The following DARS2 variants were observed in gnomAD, a reference collection of about 807,000 sequenced individuals.
DARS2 encodes aspartyl-tRNA synthetase 2, mitochondrial, also known as aspartate--tRNA ligase, mitochondrial.
In DARS2, 63 loss-of-function variants were observed where a neutral mutation model predicts 83.0. The observed-to-expected ratio is 0.76, with a 90% CI of 0.62 to 0.94. The LOEUF (loss-of-function observed/expected upper bound fraction) is 0.94, where lower values mean the gene tolerates loss of function less well. Among genes scored for constraint, DARS2 ranks in the 40% least tolerant of loss-of-function variants. DARS2 has a pLI of 0.00. For missense variants in DARS2, 675 were observed against 774.4 expected (o/e 0.87, Z 1.52); for synonymous variants, 250 against 269.3 (o/e 0.93, Z 0.70).
intron 7 of DARS2, among the ~76,000 whole-genome samples, chr1:173,835,122 T>TTTTTTG (rs1309249132): frequency 6.6e-6 from 1 of 150,958 alleles, no homozygotes; most frequent in Admixed American, 6.6e-5. Context: ...TAAATTGGTA[T>TTTTTTG]TTTTTGTTTT....
chr1:173,856,543 G>T, intron 15 of DARS2, 123 bp from the exon 16 acceptor site: 5 of 797,318 alleles, frequency 6.3e-6, no homozygotes, highest in South Asian at 1.6e-5. Flanking sequence ...TTTTATTATT[G>T]GTTAAGTCAG....
intron 12 of DARS2, among the ~76,000 whole-genome samples, 186 bp from the exon 13 acceptor site, chr1:173,850,141 C>T (rs1428441806): frequency 2.0e-5 from 3 of 151,746 alleles, no homozygotes; most frequent in African/African-American, 7.3e-5. Context: ...TATAAGCCAC[C>T]GTGCCAAGCC....
intron 2 of DARS2, among the ~76,000 whole-genome samples, chr1:173,827,691 G>A (rs1302016032): frequency 6.6e-6 from 1 of 152,122 alleles, no homozygotes; most frequent in African/African-American, 2.4e-5. Context: ...TTTAGTGACT[G>A]TTTCCTGAAC....
intron 1 of DARS2, among the ~76,000 whole-genome samples, chr1:173,825,842 G>GT (rs937304005): frequency 2.7e-5 from 4 of 150,902 alleles, no homozygotes; most frequent in South Asian, 2.1e-4. Flanking sequence ...TTATACGGCA[G>GT]TTTTTTTTCC....
chr1:173,828,998 G>A (rs901526994), intron 3 of DARS2, among the ~76,000 whole-genome samples: 3 of 151,818 alleles, frequency 2.0e-5, no homozygotes, highest in African/African-American at 4.8e-5. Flanking sequence ...AAAAAATAAT[G>A]TATATTCTTA....
intron 13 of DARS2, 91 bp from the exon 14 acceptor site, chr1:173,853,258 A>C: frequency 2.5e-5 from 32 of 1,255,910 alleles, no homozygotes; most frequent in Non-Finnish European, 3.3e-5. Context: ...ATCCTTTCCT[A>C]GAGAATGGCC....
chr1:173,846,530 T>C (rs573190245), intron 12 of DARS2, among the ~76,000 whole-genome samples: 3 of 151,322 alleles, frequency 2.0e-5, no homozygotes. Flanking sequence ...CGGAAGCGCA[T>C]ACCTGTAATC....
intron 15 of DARS2, 132 bp downstream of exon 15, chr1:173,854,037 G>A (rs1653774752): frequency 1.3e-6 from 1 of 751,452 alleles, no homozygotes; most frequent in South Asian, 1.5e-5. Flanking sequence ...GTCTACTGGT[G>A]CATTCATAGC....
intron 15 of DARS2, among the ~76,000 whole-genome samples, chr1:173,855,719 C>G (rs1653836035): frequency 6.6e-6 from 1 of 151,540 alleles, no homozygotes; most frequent in Non-Finnish European, 1.5e-5. Flanking sequence ...GTGGCGTGAT[C>G]TTGGTTCACT....
At position 173,825,361 on chromosome 1, in the gene DARS2, A is replaced by C; in HGVS notation, c.127+5A>C. On this transcript the variant is annotated splice_donor_5th_base_variant and intron_variant, in intron 1 of 16. Transcript: ENST00000649689. The stretch of plus-strand genomic sequence containing the variant: ...GTTCACAGAGGAGAATTCCAGGTGA[A>C]AATAGCGAAGAGATCTATCCTATGA... The C allele has an allele frequency of 6.2e-7, 1 of 1,612,476 alleles. No homozygotes were observed. The highest frequency in any genetic ancestry group is 8.5e-7 in the Non-Finnish European group (1 of 1,179,022).
At position 173,850,309 on chromosome 1, in the gene DARS2, T is replaced by G. The variant is rs373046525; in HGVS notation, c.1192-18T>G. The G allele has an allele frequency of 6.3e-7, 1 of 1,582,762 alleles. No homozygotes were observed. The highest frequency in any genetic ancestry group is 8.6e-7 in the Non-Finnish European group (1 of 1,168,278). Reference sequence around the variant, plus strand: ...AAAAAAAAAAAAAAACGTGAATAAGTCTTTTTCTTTTACACAGGAAATCTT... The same window carrying G: ...AAAAAAAAAAAAAAACGTGAATAAGGCTTTTTCTTTTACACAGGAAATCTT... On this transcript the variant is annotated intron_variant, in intron 12 of 16. Coordinates refer to ENST00000649689, the MANE Select transcript of DARS2 (RefSeq NM_018122.5).
At chr1:173,832,688 G>A (rs1180561860) in intron 5 of DARS2, among the ~76,000 whole-genome samples, 1 of 149,884 alleles carries the variant, frequency 6.7e-6, no homozygotes, top group African/African-American at 2.5e-5. Context: ...AGAATCGCTT[G>A]AACCCGGGAG....
chr1:173,825,154 G>A lies in DARS2; in HGVS notation c.-76G>A. 6.3e-7 allele frequency: 1 copy of A among 1,585,812 alleles called. No individual in the cohort carries two copies. Among genetic ancestry groups the A allele is most frequent in the Non-Finnish European group, 8.6e-7 (1 of 1,161,362 alleles). ...TCCTGGAATTTTAAGGGATTTCTGTGTATTTCCAAAACTGACTTTTAACTA... is the reference window on the plus strand; with the variant it reads ...TCCTGGAATTTTAAGGGATTTCTGTATATTTCCAAAACTGACTTTTAACTA... On this transcript the variant is annotated 5_prime_UTR_variant, in exon 1 of 17. Coordinates refer to ENST00000649689, the MANE Select transcript of DARS2 (RefSeq NM_018122.5).
chr1:173,829,618 C>CA (rs1652719192), intron 3 of DARS2, among the ~76,000 whole-genome samples: 1 of 151,420 alleles, frequency 6.6e-6, no homozygotes, highest in Admixed American at 6.6e-5. Context: ...TACTAAAATA[C>CA]AAAAAATTGG....
In DARS2 at chr1:173,828,313, T is replaced by TCC. The variant is rs374122386; in HGVS notation, c.228-11_228-10dup. 3.0e-5 allele frequency: 37 copies of TCC among 1,232,006 alleles called. No homozygotes were observed. In the African/African-American group the frequency reaches 3.3e-4, roughly 11 times the overall value. The allele number at this position is 1,232,006 out of a possible 1,614,324, so 76.3% of individuals were successfully genotyped here. A position where few individuals can be genotyped will look rare whatever the true frequency, so the allele number is the denominator to read the frequency against. On this transcript the variant is annotated intron_variant, in intron 2 of 16. Coordinates refer to ENST00000649689, the MANE Select transcript of DARS2 (RefSeq NM_018122.5). ...AGATTTTATCTTAAAATGTTTCTTT[T>TCC]CCCCCCCCCCATTAATCAGGCAAAA...
chr1:173,839,885 T>A (rs1372095496), intron 10 of DARS2, among the ~76,000 whole-genome samples: 1 of 152,206 alleles, frequency 6.6e-6, no homozygotes, highest in Non-Finnish European at 1.5e-5. Flanking sequence ...AAGGAGTTAC[T>A]AAGTTTCCTT....
chr1:173,833,015 C>G (rs1030504130), intron 5 of DARS2, among the ~76,000 whole-genome samples: 7 of 152,066 alleles, frequency 4.6e-5, no homozygotes, highest in Non-Finnish European at 7.4e-5. Flanking sequence ...GGATTATAGG[C>G]ACATGCCACC....
At chr1:173,828,715 T>A (rs1217455189) in intron 3 of DARS2, among the ~76,000 whole-genome samples, 1 of 152,176 alleles carries the variant, frequency 6.6e-6, no homozygotes, top group Non-Finnish European at 1.5e-5. Flanking sequence ...TTTTAACACA[T>A]TAGATTGACA....
chr1:173,842,426 G>A (rs1184477617), intron 11 of DARS2, among the ~76,000 whole-genome samples: 2 of 148,140 alleles, frequency 1.4e-5, no homozygotes, highest in Admixed American at 1.4e-4. Context: ...AGCCTCCTGA[G>A]TAGCTGGGAC....
Sources: gnomAD v4.1 joint callset for allele counts (sites outside exome capture counted in the v4.1 genomes callset) on GRCh38, gnomAD v4.1.1 for gene constraint, MANE v1.5 for transcripts, NCBI Gene and HGNC (gene_info 2026-07-23, HGNC 2026-07-21) for gene names.